The following USH2A variants were observed in gnomAD, a reference collection of about 807,000 sequenced individuals.
The protein encoded by USH2A is usherin, also known as Usher syndrome 2A (autosomal recessive, mild).
In USH2A, 443 loss-of-function variants were observed where a neutral mutation model predicts 538.9. The observed-to-expected ratio is 0.82, with a 90% CI of 0.76 to 0.89. USH2A has a LOEUF of 0.89. Among genes scored for constraint, USH2A ranks in the 40% least tolerant of loss-of-function variants. The pLI, the probability that USH2A is intolerant of heterozygous loss-of-function variation, is 0.00. For synonymous variants in USH2A, 2,413 were observed against 2,273.5 expected, an observed-to-expected ratio of 1.06 and a Z score of -1.75; for missense variants, 6,633 against 6,324.8, an observed-to-expected ratio of 1.05 and a Z score of -1.65.
chr1:216,284,641 T>A (rs1313733014), intron 11 of USH2A, among the ~76,000 whole-genome samples: 1 of 152,172 alleles, frequency 6.6e-6, no homozygotes, highest in Non-Finnish European at 1.5e-5. Flanking sequence ...ACTTTGGGAC[T>A]GGGTAACAGG....
At chr1:216,042,408 C>A (rs1332887586) in intron 32 of USH2A, among the ~76,000 whole-genome samples, 1 of 151,886 alleles carries the variant, frequency 6.6e-6, no homozygotes, top group Non-Finnish European at 1.5e-5. Flanking sequence ...TATTCCACTT[C>A]TCGGTTTCTC....
intron 21 of USH2A, among the ~76,000 whole-genome samples, chr1:216,120,449 A>G (rs796453): frequency 2.0e-5 from 3 of 151,652 alleles, no homozygotes; most frequent in Admixed American, 6.6e-5. Context: ...GCGCGATCTC[A>G]GCTCACTGCA....
chr1:216,271,604 T>G (rs565193838), intron 11 of USH2A, among the ~76,000 whole-genome samples: 2 of 152,234 alleles, frequency 1.3e-5, no homozygotes, highest in South Asian at 4.1e-4. Flanking sequence ...CCTGATGTAG[T>G]GGTAAAAAAT....
chr1:216,266,560 T>C (rs1402532502), intron 11 of USH2A, among the ~76,000 whole-genome samples: 2 of 152,146 alleles, frequency 1.3e-5, no homozygotes, highest in African/African-American at 2.4e-5. Context: ...TTGAGTAATA[T>C]AGTTCCAGCA....
At chr1:216,078,704 G>A (rs890481203) in intron 26 of USH2A, among the ~76,000 whole-genome samples, 7 of 152,088 alleles carry the variant, frequency 4.6e-5, no homozygotes, top group African/African-American at 1.7e-4. Flanking sequence ...GAAGAGAACA[G>A]AACACTTTGA....
intron 21 of USH2A, among the ~76,000 whole-genome samples, chr1:216,118,555 T>C (rs1388661617): frequency 6.6e-6 from 1 of 152,182 alleles, no homozygotes; most frequent in African/African-American, 2.4e-5. Flanking sequence ...AAGAAATGTA[T>C]ATTGAGTGTC....
At chr1:216,148,764 C>T (rs2033766927) in intron 21 of USH2A, among the ~76,000 whole-genome samples, 1 of 151,302 alleles carries the variant, frequency 6.6e-6, no homozygotes, top group Non-Finnish European at 1.5e-5. Context: ...TCAATACCTG[C>T]CTCTACAACC....
intron 34 of USH2A, among the ~76,000 whole-genome samples, chr1:215,997,252 G>A (rs1276911341): frequency 6.6e-6 from 1 of 152,074 alleles, no homozygotes; most frequent in Non-Finnish European, 1.5e-5. Context: ...ATGTGAGCAA[G>A]TTTATTTCCC....
intron 30 of USH2A, among the ~76,000 whole-genome samples, chr1:216,050,804 A>G (rs185046053): frequency 0.014 from 2,119 of 150,712 alleles, 44 homozygotes; most frequent in African/African-American, 0.049. Flanking sequence ...ATGGGGTTTC[A>G]CCGTGTTAGC....
intron 9 of USH2A, among the ~76,000 whole-genome samples, chr1:216,300,143 G>A (rs112276492): frequency 4.6e-5 from 7 of 152,240 alleles, no homozygotes; most frequent in African/African-American, 1.7e-4. Flanking sequence ...ATTGGTAAGT[G>A]CATTATAAGT....
At chr1:216,152,588 A>T (rs2033861685) in intron 21 of USH2A, among the ~76,000 whole-genome samples, 1 of 151,642 alleles carries the variant, frequency 6.6e-6, no homozygotes, top group Non-Finnish European at 1.5e-5. Context: ...CCCTTCACTG[A>T]CTCTCTTTTC....
chr1:216,262,774 T>C (rs1490446542), intron 11 of USH2A, among the ~76,000 whole-genome samples: 1 of 151,628 alleles, frequency 6.6e-6, no homozygotes, highest in Non-Finnish European at 1.5e-5. Context: ...CAAGGCACAA[T>C]ATAGAAATAA....
At chr1:216,203,355 C>T (rs1045821505) in intron 16 of USH2A, among the ~76,000 whole-genome samples, 33 of 151,794 alleles carry the variant, frequency 2.2e-4, no homozygotes, top group African/African-American at 7.5e-4. Flanking sequence ...AAGAGATTAA[C>T]AACAATAACT....
chr1:216,243,641 G>A (rs1006453634), intron 13 of USH2A, among the ~76,000 whole-genome samples: 4 of 152,168 alleles, frequency 2.6e-5, no homozygotes, highest in Non-Finnish European at 5.9e-5. Context: ...GCTAGAAATG[G>A]ACAGTTGGAA....
intron 55 of USH2A, among the ~76,000 whole-genome samples, chr1:215,768,720 T>C (rs993972489): frequency 7.2e-5 from 11 of 152,168 alleles, no homozygotes; most frequent in African/African-American, 1.2e-4. Flanking sequence ...GAGGTTGCAG[T>C]GGCAAACTCG....
At chr1:215,844,648 A>G in intron 45 of USH2A, 152 bp from the exon 46 acceptor site, 1 of 824,078 alleles carries the variant, frequency 1.2e-6, no homozygotes, top group South Asian at 1.5e-5. Context: ...GTCCTCTGTA[A>G]ATTGGCTTAT....
intron 32 of USH2A, among the ~76,000 whole-genome samples, chr1:216,041,460 C>A (rs1413433862): frequency 1.3e-5 from 2 of 152,052 alleles, no homozygotes; most frequent in South Asian, 2.1e-4. Context: ...CTTGTGCCCC[C>A]CATGGCAGCA....
intron 21 of USH2A, among the ~76,000 whole-genome samples, chr1:216,163,981 T>C (rs561671074): frequency 6.6e-6 from 1 of 152,242 alleles, no homozygotes; most frequent in South Asian, 2.1e-4. Flanking sequence ...TCTATTTCTT[T>C]TCTCAGCAGG....
chr1:215,689,350 C>T (rs1266380985), intron 61 of USH2A, among the ~76,000 whole-genome samples: 1 of 152,184 alleles, frequency 6.6e-6, no homozygotes, highest in Non-Finnish European at 1.5e-5. Context: ...AACAAGTCTC[C>T]ATATGATCTC....
Sources: allele counts gnomAD v4.1 joint callset (sites outside exome capture counted in the v4.1 genomes callset), GRCh38; gene constraint gnomAD v4.1.1; transcripts MANE v1.5; gene names NCBI Gene and HGNC (gene_info 2026-07-23, HGNC 2026-07-21).